The following ALDH1L2 variants were observed in gnomAD, a reference collection of about 807,000 sequenced individuals.
ALDH1L2 encodes the protein aldehyde dehydrogenase 1 family member L2, also known as mitochondrial 10-formyltetrahydrofolate dehydrogenase.
A neutral mutation model predicts 111.0 loss-of-function variants in ALDH1L2; 91 were observed. The observed-to-expected ratio is 0.82, with a 90% CI of 0.69 to 0.98. The LOEUF (loss-of-function observed/expected upper bound fraction) is 0.98, where lower values mean the gene tolerates loss of function less well. ALDH1L2 is among the 50% of genes least tolerant of loss of function. ALDH1L2 has a pLI of 0.00. For synonymous variants in ALDH1L2, 374 were observed against 392.6 expected (o/e 0.95, Z 0.56); for missense variants, 995 against 1,126.8 (o/e 0.88, Z 1.67).
intron 18 of ALDH1L2, among the ~76,000 whole-genome samples, chr12:105,036,745 A>G (rs1592769664): frequency 6.6e-6 from 1 of 151,294 alleles, no homozygotes; most frequent in Admixed American, 6.6e-5. Context: ...CTGTGCATAC[A>G]TTTTATCTTT....
intron 17 of ALDH1L2, among the ~76,000 whole-genome samples, chr12:105,039,453 C>A (rs925735541): frequency 6.6e-6 from 1 of 152,140 alleles, no homozygotes; most frequent in Non-Finnish European, 1.5e-5. Context: ...AGCTTTAATA[C>A]AGGAAGTCTT....
chr12:105,033,120 C>T (rs1405268277), intron 19 of ALDH1L2, among the ~76,000 whole-genome samples: 1 of 152,154 alleles, frequency 6.6e-6, no homozygotes, highest in Non-Finnish European at 1.5e-5. Flanking sequence ...TTAGTGCGTT[C>T]CCCAGGGTTC....
At chr12:105,069,018 T>G in intron 3 of ALDH1L2, 134 bp from the exon 4 acceptor site, 1 of 852,198 alleles carries the variant, frequency 1.2e-6, no homozygotes, top group Non-Finnish European at 1.6e-6. Context: ...AAATTAACAG[T>G]AGAACTGGGA....
At position 105,044,466 on chromosome 12, in the gene ALDH1L2, A is replaced by G. The variant is rs148216389; in HGVS notation, c.1863+2244T>C. ...CAGTGGGGCCCAATATCAGCATTTTAAAAGGAGAACTTTAGGTGATTCTAA... is the reference window on the plus strand; with the variant it reads ...CAGTGGGGCCCAATATCAGCATTTTGAAAGGAGAACTTTAGGTGATTCTAA... On this transcript the variant is annotated intron_variant, in intron 15 of 22. Coordinates refer to ENST00000258494, the MANE Select transcript of ALDH1L2 (RefSeq NM_001034173.4). 6.4e-3 allele frequency among the ~76,000 whole-genome samples: 963 copies of G among 151,652 alleles called. 8 individuals are homozygous for G. The highest frequency in any genetic ancestry group is 0.022 in the African/African-American group (914 of 41,338).
chr12:105,063,337 A>T (rs1320339633), intron 6 of ALDH1L2, among the ~76,000 whole-genome samples: 7 of 152,106 alleles, frequency 4.6e-5, no homozygotes, highest in Admixed American at 4.6e-4. Context: ...TTAGCTGGGC[A>T]TAGTGGCGGG....
In ALDH1L2 at chr12:105,061,514, A is replaced by G. The variant is rs1351291580; in HGVS notation, c.1047+113T>C. On this transcript the variant is annotated intron_variant, in intron 8 of 22. Transcript: ENST00000258494. ...TTGATTTCCTCTTGCAGCTAATACA[A>G]AAAAAGAGGAAATAAAGTTCTGATC... 2.8e-6 allele frequency: 4 copies of G among 1,448,500 alleles called. No homozygotes were observed. In the East Asian group the frequency reaches 6.9e-5, roughly 25 times the overall value. 89.7% of individuals were successfully genotyped at this position (1,448,500 alleles called of 1,614,324 possible). A position where few individuals can be genotyped will look rare whatever the true frequency, so the allele number is the denominator to read the frequency against.
chr12:105,083,639 T>A (rs971760313), intron 1 of ALDH1L2, among the ~76,000 whole-genome samples: 10 of 151,906 alleles, frequency 6.6e-5, no homozygotes, highest in Admixed American at 5.2e-4. Flanking sequence ...TTTTTCTCTC[T>A]CTCTCTTCCC....
chr12:105,038,240 CAT>C, intron 17 of ALDH1L2, 38 bp from the exon 18 acceptor site: 1 of 1,064,564 alleles, frequency 9.4e-7, no homozygotes, highest in Non-Finnish European at 1.4e-6. Context: ...ATTTAGTTAA[CAT>C]CTCTCTCTCT....
At chr12:105,036,511 ATTT>A (rs1366084674) in intron 18 of ALDH1L2, among the ~76,000 whole-genome samples, 4 of 46,432 alleles carry the variant, frequency 8.6e-5, no homozygotes, top group Non-Finnish European at 1.3e-4. Flanking sequence ...GTATATATAT[ATTT>A]TATATATATA....
At chr12:105,046,629 A>C in intron 15 of ALDH1L2, 81 bp downstream of exon 15, 1 of 1,240,074 alleles carries the variant, frequency 8.1e-7, no homozygotes, top group Non-Finnish European at 1.1e-6. Flanking sequence ...TTTGTTTGCT[A>C]TTTATAAATA....
At chr12:105,061,508 A>T in intron 8 of ALDH1L2, 119 bp downstream of exon 8, 1 of 1,381,300 alleles carries the variant, frequency 7.2e-7, no homozygotes, top group Admixed American at 2.1e-5. Context: ...TCTTGCAGCT[A>T]ATACAAAAAA....
At position 105,024,088 on chromosome 12, in the gene ALDH1L2, G is replaced by T; in HGVS notation, c.*336C>A. On this transcript the variant is annotated 3_prime_UTR_variant, in exon 23 of 23. Coordinates refer to ENST00000258494, the MANE Select transcript of ALDH1L2 (RefSeq NM_001034173.4). ...ATATTATACAAAGTTTCCAATAAAT[G>T]CACCTTGTGTATTATAACTGCATGG... 3.0e-6 allele frequency: 1 copy of T among 336,008 alleles called. No individual in the cohort carries two copies. The highest frequency in any genetic ancestry group is 5.4e-6 in the Non-Finnish European group (1 of 183,826). The allele number at this position is 336,008 out of a possible 1,614,324, so 20.8% of individuals were successfully genotyped here.
At chr12:105,057,317 A>G (rs896470696) in intron 10 of ALDH1L2, among the ~76,000 whole-genome samples, 3 of 152,168 alleles carry the variant, frequency 2.0e-5, no homozygotes, top group East Asian at 1.9e-4. Context: ...GTGGGATTAC[A>G]TAATGGTGTA....
chr12:105,069,575 T>C (rs1052522560), intron 3 of ALDH1L2, among the ~76,000 whole-genome samples: 1 of 152,240 alleles, frequency 6.6e-6, no homozygotes, highest in Non-Finnish European at 1.5e-5. Context: ...AGTACAAGTC[T>C]AAGTGCAAAT....
chr12:105,052,564 C>G lies in ALDH1L2; in HGVS notation c.1407+248G>C, dbSNP rs76536238. Among the ~76,000 whole-genome samples, 1,113 of 152,268 alleles carry G rather than the reference C, an allele frequency of 7.3e-3. 6 individuals carry two copies. The highest frequency in any genetic ancestry group is 0.012 in the Non-Finnish European group (842 of 68,014). On this transcript the variant is annotated intron_variant, in intron 11 of 22. Transcript: ENST00000258494. The stretch of plus-strand genomic sequence containing the variant: ...TATATCTCTATGCAGATGAGTGCCT[C>G]TGGTGTGTATAGGTAAAGCTACCTG...
chr12:105,077,913 G>C (rs908319337), intron 1 of ALDH1L2, among the ~76,000 whole-genome samples: 1 of 152,110 alleles, frequency 6.6e-6, no homozygotes, highest in African/African-American at 2.4e-5. Flanking sequence ...TCACACAGAG[G>C]ACCTTCACAC....
chr12:105,052,634 A>C (rs184281990), intron 11 of ALDH1L2, among the ~76,000 whole-genome samples, 178 bp downstream of exon 11: 11 of 152,370 alleles, frequency 7.2e-5, no homozygotes, highest in African/African-American at 2.2e-4. Flanking sequence ...TACTACAGTT[A>C]ATAGCAGCTG....
intron 13 of ALDH1L2, 145 bp downstream of exon 13, chr12:105,049,763 T>C: frequency 2.3e-6 from 2 of 888,644 alleles, no homozygotes; most frequent in Non-Finnish European, 3.2e-6. Flanking sequence ...AGGTATTCTG[T>C]TACAGCAGCA....
chr12:105,068,568 A>G (rs569086123), intron 4 of ALDH1L2, 151 bp downstream of exon 4: 1 of 759,998 alleles, frequency 1.3e-6, no homozygotes, highest in Non-Finnish European at 1.9e-6. Flanking sequence ...TCCATCCTAA[A>G]TATACCATCC....
Sources: gnomAD v4.1 joint callset for allele counts (sites outside exome capture counted in the v4.1 genomes callset) on GRCh38, gnomAD v4.1.1 for gene constraint, MANE v1.5 for transcripts, NCBI Gene and HGNC (gene_info 2026-07-23, HGNC 2026-07-21) for gene names.